The following AIG1 variants were observed in gnomAD, a reference collection of about 807,000 sequenced individuals.
AIG1 encodes androgen induced 1.
Under a neutral mutation model 31.4 loss-of-function variants are expected in AIG1, and 23 were observed. The ratio of observed to expected loss-of-function variants is 0.73; its 90% CI spans 0.53 to 1.04. AIG1 has a LOEUF of 1.04. AIG1 is among the 50% of genes least tolerant of loss of function. The pLI, the probability that AIG1 is intolerant of heterozygous loss-of-function variation, is 0.00. For missense variants in AIG1, 274 were observed against 295.0 expected, an observed-to-expected ratio of 0.93 and a Z score of 0.52; for synonymous variants, 100 against 110.5, an observed-to-expected ratio of 0.90 and a Z score of 0.60.
intron 1 of AIG1, among the ~76,000 whole-genome samples, chr6:143,131,658 C>T (rs915841564): frequency 3.9e-5 from 6 of 152,282 alleles, no homozygotes; most frequent in East Asian, 3.9e-4. Context: ...TAAAGAAACA[C>T]GAATCTTAGT....
intron 3 of AIG1, among the ~76,000 whole-genome samples, chr6:143,216,330 G>A (rs1792026677): frequency 6.6e-6 from 1 of 152,194 alleles, no homozygotes; most frequent in South Asian, 2.1e-4. Flanking sequence ...GAGGATTCCA[G>A]CAGAATATAA....
At chr6:143,157,941 G>T (rs1785959057) in intron 2 of AIG1, among the ~76,000 whole-genome samples, 1 of 152,024 alleles carries the variant, frequency 6.6e-6, no homozygotes, top group South Asian at 2.1e-4. Flanking sequence ...TTCTTAAATT[G>T]GTTTGTTCTT....
intron 1 of AIG1, among the ~76,000 whole-genome samples, chr6:143,062,324 TA>T (rs1031430645): frequency 2.6e-5 from 4 of 152,214 alleles, no homozygotes. Flanking sequence ...GCAAGGGTTT[TA>T]ATTTTCAGAT....
rs138232166 is a variant in AIG1 at position 143,115,798 on chromosome 6, G to A, written c.142-21037G>A. Among the ~76,000 whole-genome samples, 601 of 152,304 alleles carry A rather than the reference G, an allele frequency of 3.9e-3. 1 individual carries two copies. The highest frequency in any genetic ancestry group is 0.013 in the African/African-American group (544 of 41,570). On this transcript the variant is annotated intron_variant, in intron 1 of 5. Coordinates refer to ENST00000357847, the MANE Select transcript of AIG1 (RefSeq NM_016108.4). The stretch of plus-strand genomic sequence containing the variant: ...GCAGAGCCAGCCTTCAGCTTTCCTC[G>A]CTTTATTGCATCTGTAGATTCATAA...
chr6:143,099,309 T>C (rs1054964563), intron 1 of AIG1, among the ~76,000 whole-genome samples: 6 of 152,370 alleles, frequency 3.9e-5, no homozygotes, highest in African/African-American at 1.2e-4. Flanking sequence ...TAACTAACAA[T>C]GTAGATACTC....
chr6:143,176,177 G>A (rs1045568657), intron 3 of AIG1, among the ~76,000 whole-genome samples: 98 of 152,308 alleles, frequency 6.4e-4, no homozygotes, highest in African/African-American at 2.3e-3. Context: ...TCCCTCAGCC[G>A]TGGATCCCAG....
At chr6:143,323,506 A>G (rs1397404090) in intron 4 of AIG1, among the ~76,000 whole-genome samples, 1 of 152,244 alleles carries the variant, frequency 6.6e-6, no homozygotes, top group African/African-American at 2.4e-5. Flanking sequence ...ATGGACTTCT[A>G]CAATGATATT....
At chr6:143,318,697 C>T (rs1775959467) in intron 4 of AIG1, among the ~76,000 whole-genome samples, 1 of 151,926 alleles carries the variant, frequency 6.6e-6, no homozygotes, top group Non-Finnish European at 1.5e-5. Flanking sequence ...AGACAACCCA[C>T]AGAGCGGGAG....
At chr6:143,250,573 CA>C (rs1198284086) in intron 3 of AIG1, among the ~76,000 whole-genome samples, 1 of 152,128 alleles carries the variant, frequency 6.6e-6, no homozygotes, top group African/African-American at 2.4e-5. Context: ...GGGTGGGCCC[CA>C]AATGCCATCA....
intron 4 of AIG1, among the ~76,000 whole-genome samples, chr6:143,290,283 A>G (rs762751515): frequency 3.3e-5 from 5 of 152,258 alleles, no homozygotes; most frequent in African/African-American, 9.6e-5. Context: ...AAGAGGGTCA[A>G]GTGGGCAACT....
chr6:143,119,382 G>A (rs1281318006), intron 1 of AIG1, among the ~76,000 whole-genome samples: 1 of 152,136 alleles, frequency 6.6e-6, no homozygotes, highest in South Asian at 2.1e-4. Context: ...TCCATCTATG[G>A]GGTGATACTT....
At chr6:143,175,429 A>C (rs1655853190) in intron 3 of AIG1, among the ~76,000 whole-genome samples, 1 of 152,244 alleles carries the variant, frequency 6.6e-6, no homozygotes, top group Non-Finnish European at 1.5e-5. Context: ...CTTCTTCTTC[A>C]GGAACACCAA....
rs1777240272 is a variant in AIG1, at chr6:143,333,442, A to T, written c.676A>T (p.Lys226Ter). The change falls in exon 5 of 6, where the codon AAA becomes TAA. Residue 226 changes from lysine (K) to a stop codon, truncating the protein, a stop_gained. Coordinates refer to ENST00000357847, the MANE Select transcript of AIG1 (RefSeq NM_016108.4). LOFTEE classifies it high-confidence loss of function. The surrounding 1 kb of genome is among the most constrained non-coding windows in gnomAD (Gnocchi z 4.6). ...GAACAACTATATCTGGGATACACAG[A>T]AAAGTAAGTATTGTCTGAGGGAACA... ...VLNNYIWDTQ[K>*]SMEEEKEKPK... The T allele has an allele frequency of 6.2e-7, 1 of 1,612,984 alleles. No individual in the cohort carries two copies. The highest frequency in any genetic ancestry group is 1.3e-5 in the African/African-American group (1 of 74,882).
intron 1 of AIG1, among the ~76,000 whole-genome samples, chr6:143,067,753 GT>G (rs1776850483): frequency 6.6e-6 from 1 of 152,164 alleles, no homozygotes. Context: ...ACATTGCCAC[GT>G]GAAGGCCAGT....
intron 3 of AIG1, among the ~76,000 whole-genome samples, chr6:143,194,880 G>A (rs988341687): frequency 1.3e-5 from 2 of 152,218 alleles, no homozygotes; most frequent in Admixed American, 1.3e-4. Flanking sequence ...TCTCTGTCTA[G>A]TCCCACTGGA....
chr6:143,204,598 G>T (rs1790961833), intron 3 of AIG1, among the ~76,000 whole-genome samples: 1 of 152,066 alleles, frequency 6.6e-6, no homozygotes, highest in African/African-American at 2.4e-5. Context: ...AAGTCCCTAA[G>T]GCCAGCTCAG....
intron 1 of AIG1, among the ~76,000 whole-genome samples, chr6:143,108,539 A>C (rs948192413): frequency 1.3e-5 from 2 of 152,186 alleles, no homozygotes; most frequent in African/African-American, 4.8e-5. Context: ...CTCACTTAAC[A>C]ACTTCAGCTG....
chr6:143,098,212 G>A (rs149354887), intron 1 of AIG1, among the ~76,000 whole-genome samples: 1,619 of 152,238 alleles, frequency 0.011, 22 homozygotes, highest in African/African-American at 0.037. Context: ...AACACACTCT[G>A]CCCCAGTGAA....
At chr6:143,103,509 T>C (rs1386834860) in intron 1 of AIG1, among the ~76,000 whole-genome samples, 1 of 140,334 alleles carries the variant, frequency 7.1e-6, no homozygotes, top group East Asian at 2.1e-4. Context: ...TTCTTTTTTT[T>C]TTTTTTTTTT....
Sources: gnomAD v4.1 joint callset for allele counts (sites outside exome capture counted in the v4.1 genomes callset) on GRCh38, gnomAD v4.1.1 for gene constraint, Gnocchi (gnomAD v3.1) non-coding constraint, MANE v1.5 for transcripts, NCBI Gene and HGNC (gene_info 2026-07-23, HGNC 2026-07-21) for gene names.